The following SLA variants were observed in gnomAD, a reference collection of about 807,000 sequenced individuals.
SLA encodes src-like-adapter.
SLA carries 16 observed loss-of-function variants against 30.3 expected under a neutral mutation model. The observed-to-expected ratio is 0.53, with a 90% CI of 0.36 to 0.80. SLA has a LOEUF of 0.80. Ranked by LOEUF, SLA falls within the 30% of genes least tolerant of loss-of-function variation. The pLI is 0.01. For missense variants in SLA, 310 were observed against 345.2 expected, an observed-to-expected ratio of 0.90 and a Z score of 0.81; for synonymous variants, 143 against 137.8, an observed-to-expected ratio of 1.04 and a Z score of -0.26.
At position 133,047,732 on chromosome 8, in the gene SLA, C is replaced by T. The variant is rs545221868; in HGVS notation, c.352+98G>A. ...ACTACATTGGATCAATTTGCATGGACGTAGGAGGAAGGAAAATGAAGCCGT... is the reference window on the plus strand; with the variant it reads ...ACTACATTGGATCAATTTGCATGGATGTAGGAGGAAGGAAAATGAAGCCGT... On this transcript the variant is annotated intron_variant, in intron 6 of 8. Coordinates refer to ENST00000338087, the MANE Select transcript of SLA (RefSeq NM_001045556.3). The T allele has an allele frequency of 1.8e-4, 138 of 776,152 alleles. 2 individuals are homozygous for T. The highest frequency in any genetic ancestry group is 1.1e-3 in the South Asian group (77 of 71,980). 48.1% of individuals were successfully genotyped at this position (776,152 alleles called of 1,614,324 possible).
At chr8:133,100,080 T>C (rs1316771485) in intron 1 of SLA, among the ~76,000 whole-genome samples, 1 of 152,250 alleles carries the variant, frequency 6.6e-6, no homozygotes, top group East Asian at 1.9e-4. Context: ...CTCTGTTAGC[T>C]CTCTGACCTT....
rs542796140 is a variant in SLA, at chr8:133,067,411, A to G, written c.-40-7211T>C. 9.2e-5 allele frequency among the ~76,000 whole-genome samples: 14 copies of G among 152,254 alleles called. No individual in the cohort carries two copies. The South Asian group carries it at 1.0e-3, about 11-fold the overall frequency. On this transcript the variant is annotated intron_variant, in intron 2 of 8. Transcript: ENST00000338087. ...AGGGCAGGCAGCCAGCTCAGAGAGG[A>G]CATGCAACTCCTAGCCTTCTTCTCA...
At chr8:133,066,368 C>T (rs1010330559) in intron 2 of SLA, among the ~76,000 whole-genome samples, 1 of 136,236 alleles carries the variant, frequency 7.3e-6, no homozygotes, top group Non-Finnish European at 1.6e-5. Context: ...TGGAACAAAA[C>T]AAAAGAAAAG....
intron 1 of SLA, among the ~76,000 whole-genome samples, chr8:133,080,721 T>C (rs909021378): frequency 6.6e-6 from 1 of 152,170 alleles, no homozygotes; most frequent in Non-Finnish European, 1.5e-5. Context: ...CCACTCACCA[T>C]AGGAACTCCC....
chr8:133,038,020 A>G lies in SLA; in HGVS notation c.*504T>C, dbSNP rs1006199398. ...CTTTAAAAAGAGAGGAAAGCATACC[A>G]GAAGTCCCTATGGATTAGTTAAAGT... On this transcript the variant is annotated 3_prime_UTR_variant, in exon 9 of 9. Coordinates refer to ENST00000338087, the MANE Select transcript of SLA (RefSeq NM_001045556.3). The G allele has an allele frequency of 6.4e-6, 1 of 156,670 alleles. No homozygotes were observed. The highest frequency in any genetic ancestry group is 2.4e-5 in the African/African-American group (1 of 41,474). The allele number at this position is 156,670 out of a possible 1,614,324, so 9.7% of individuals were successfully genotyped here. A position where few individuals can be genotyped will look rare whatever the true frequency, so the allele number is the denominator to read the frequency against.
At chr8:133,047,711 C>A in intron 6 of SLA, 119 bp downstream of exon 6, 1 of 729,674 alleles carries the variant, frequency 1.4e-6, no homozygotes, top group South Asian at 1.5e-5. Flanking sequence ...AGCTTAACTA[C>A]ATTGGATCAA....
chr8:133,070,950 A>G (rs1308373119), intron 2 of SLA, among the ~76,000 whole-genome samples: 1 of 152,206 alleles, frequency 6.6e-6, no homozygotes, highest in East Asian at 1.9e-4. Flanking sequence ...CCCTAATTTT[A>G]TCTAATTTTC....
intron 1 of SLA, among the ~76,000 whole-genome samples, chr8:133,077,393 G>A (rs1345728217): frequency 6.6e-6 from 1 of 152,154 alleles, no homozygotes; most frequent in Admixed American, 6.5e-5. Flanking sequence ...TTGTCCAGTG[G>A]GTCATTGGGT....
At position 133,037,234 on chromosome 8, in the gene SLA, A is replaced by G. The variant is rs1564097259; in HGVS notation, c.*1290T>C. Reference sequence around the variant, plus strand: ...TGCAGCCCACTCTCTTCCTAGTAGGATTTGGATGGGAGCTTCTCCTTCTCT... The same window carrying G: ...TGCAGCCCACTCTCTTCCTAGTAGGGTTTGGATGGGAGCTTCTCCTTCTCT... On this transcript the variant is annotated 3_prime_UTR_variant, in exon 9 of 9. Transcript: ENST00000338087. 6.6e-6 allele frequency: 1 copy of G among 152,136 alleles called. No individual in the cohort carries two copies. 9.4% of individuals were successfully genotyped at this position (152,136 alleles called of 1,614,324 possible).
intron 2 of SLA, among the ~76,000 whole-genome samples, chr8:133,067,965 AAAG>A (rs778836430): frequency 2.6e-5 from 4 of 152,054 alleles, no homozygotes; most frequent in South Asian, 2.1e-4. Flanking sequence ...GAAGGAAAAG[AAAG>A]AAGGATTCCC....
At chr8:133,085,799 A>G (rs1421585790) in intron 1 of SLA, among the ~76,000 whole-genome samples, 1 of 152,204 alleles carries the variant, frequency 6.6e-6, no homozygotes, top group Non-Finnish European at 1.5e-5. Flanking sequence ...CCACTTTGAC[A>G]AACAGTTTGG....
chr8:133,049,078 C>G, intron 5 of SLA: 1 of 440,644 alleles, frequency 2.3e-6, no homozygotes, highest in Non-Finnish European at 4.6e-6. Context: ...GGAGGTGAAG[C>G]GACTTTTACA....
chr8:133,102,553 C>A lies in SLA; in HGVS notation c.-319G>T, dbSNP rs1280564513. ...AATGACAGCAAAGTTAGCAACCTAC[C>A]GGTGGAGCATCAGGGCTGCCTGAGA... On this transcript the variant is annotated splice_region_variant and 5_prime_UTR_variant, in exon 1 of 9. Transcript: ENST00000338087. 6.4e-7 allele frequency: 1 copy of A among 1,551,460 alleles called. No individual in the cohort carries two copies. Among genetic ancestry groups the A allele is most frequent in the Non-Finnish European group, 8.7e-7 (1 of 1,146,882 alleles).
chr8:133,095,311 C>G (rs1394592592), intron 1 of SLA: 55 of 1,520,732 alleles, frequency 3.6e-5, no homozygotes, highest in Non-Finnish European at 4.8e-5. Context: ...CCATACCACA[C>G]ATGAGGCTGA....
intron 2 of SLA, among the ~76,000 whole-genome samples, chr8:133,072,002 G>T (rs555108424): frequency 6.6e-6 from 1 of 152,168 alleles, no homozygotes; most frequent in Non-Finnish European, 1.5e-5. Context: ...GGCAAGAGGT[G>T]GTCCACTTCC....
At chr8:133,068,556 T>A (rs888413472) in intron 2 of SLA, among the ~76,000 whole-genome samples, 1 of 152,178 alleles carries the variant, frequency 6.6e-6, no homozygotes, top group Non-Finnish European at 1.5e-5. Context: ...ATGAACATAG[T>A]CATATGTGCC....
intron 1 of SLA, among the ~76,000 whole-genome samples, chr8:133,079,943 G>A (rs1845494173): frequency 6.6e-6 from 1 of 151,570 alleles, no homozygotes; most frequent in Non-Finnish European, 1.5e-5. Context: ...CCCCCTCTAT[G>A]GCTAGATGAG....
chr8:133,087,180 G>A (rs1434725305), intron 1 of SLA, among the ~76,000 whole-genome samples: 2 of 151,818 alleles, frequency 1.3e-5, no homozygotes, highest in African/African-American at 4.8e-5. Context: ...TGATTGGGAG[G>A]ATTATGTGTA....
intron 1 of SLA, among the ~76,000 whole-genome samples, chr8:133,082,511 C>T (rs1469720256): frequency 6.6e-6 from 1 of 152,234 alleles, no homozygotes; most frequent in African/African-American, 2.4e-5. Flanking sequence ...TGGAATTATC[C>T]TGATAATCGA....
Sources: allele counts gnomAD v4.1 joint callset (sites outside exome capture counted in the v4.1 genomes callset), GRCh38; gene constraint gnomAD v4.1.1; transcripts MANE v1.5; gene names NCBI Gene and HGNC (gene_info 2026-07-23, HGNC 2026-07-21).